CFAP251: variants seen among roughly 807,000 people sequenced by gnomAD.
CFAP251 encodes cilia and flagella associated protein 251.
CFAP251 carries 93 observed loss-of-function variants against 126.7 expected under a neutral mutation model. That is an observed-to-expected ratio of 0.73 (90% confidence interval 0.62 to 0.87). The LOEUF (loss-of-function observed/expected upper bound fraction) is 0.87, where lower values mean the gene tolerates loss of function less well. CFAP251 is among the 40% of genes least tolerant of loss of function. The probability of loss-of-function intolerance (pLI) is 0.00; values close to 1 mark genes in which losing one functional copy is unlikely to be tolerated. For synonymous variants in CFAP251, 503 were observed against 506.9 expected (o/e 0.99, Z 0.10); for missense variants, 1,287 against 1,389.2 (o/e 0.93, Z 1.17).
In CFAP251 at chr12:121,960,832, A is replaced by C. The variant is rs916541402; in HGVS notation, c.2307+74A>C. Reference sequence around the variant, plus strand: ...TCTTGTGACATCCCTGGCATCTTGCATAGAGCCAGGCCCACAGTACGTGTG... The same window carrying C: ...TCTTGTGACATCCCTGGCATCTTGCCTAGAGCCAGGCCCACAGTACGTGTG... On this transcript the variant is annotated intron_variant, in intron 14 of 21. Transcript: ENST00000288912. The C allele has an allele frequency of 1.6e-5, 24 of 1,530,908 alleles. No individual in the cohort carries two copies. In the African/African-American group the frequency reaches 3.1e-4, roughly 20 times the overall value. 94.8% of individuals were successfully genotyped at this position (1,530,908 alleles called of 1,614,324 possible). A position where few individuals can be genotyped will look rare whatever the true frequency, so the allele number is the denominator to read the frequency against.
chr12:121,977,763 G>A (rs1882500199), intron 19 of CFAP251, among the ~76,000 whole-genome samples: 2 of 151,414 alleles, frequency 1.3e-5, no homozygotes, highest in South Asian at 2.1e-4. Context: ...AGACCATCCT[G>A]GCTAACACGG....
chr12:121,960,859 T>C, intron 14 of CFAP251, 101 bp downstream of exon 14: 1 of 1,378,252 alleles, frequency 7.3e-7, no homozygotes, highest in Non-Finnish European at 9.9e-7. Flanking sequence ...GTACGTGTGT[T>C]TGTTGGAGAA....
At chr12:121,983,144 A>G (rs1467134738) in intron 19 of CFAP251, among the ~76,000 whole-genome samples, 1 of 152,136 alleles carries the variant, frequency 6.6e-6, no homozygotes, top group Non-Finnish European at 1.5e-5. Context: ...GGAAGGATCG[A>G]AGGATCGCTT....
At chr12:122,001,846 A>G (rs1198823664) in intron 21 of CFAP251, 2 of 510,498 alleles carry the variant, frequency 3.9e-6, no homozygotes, top group East Asian at 3.5e-5. Context: ...CTGACCTGTC[A>G]TCTTGCCGGC....
intron 19 of CFAP251, among the ~76,000 whole-genome samples, chr12:121,994,152 TG>T (rs1314921301): frequency 4.6e-3 from 154 of 33,330 alleles, no homozygotes; most frequent in African/African-American, 7.4e-3. Flanking sequence ...GGGAGGGAGG[TG>T]GGGGGGGTCA....
chr12:121,993,216 A>G (rs1296639824), intron 19 of CFAP251, among the ~76,000 whole-genome samples: 2 of 138,784 alleles, frequency 1.4e-5, no homozygotes, highest in Non-Finnish European at 3.1e-5. Flanking sequence ...TGATCCGCCA[A>G]CCTCGGCCTC....
Position 121,966,933 on chromosome 12 carries a change from CTCTT to C in CFAP251, c.2493-18_2493-15del. Reference sequence around the variant, plus strand: ...GTTGAGATTTGTGGAATTTTAAAAACTCTTTCTCTTTTTGCCTTCAGAAAGACGC... The same window carrying C: ...GTTGAGATTTGTGGAATTTTAAAAACTCTCTTTTTGCCTTCAGAAAGACGC... On this transcript the variant is annotated intron_variant, in intron 15 of 21. Transcript: ENST00000288912. 1.2e-6 allele frequency: 2 copies of C among 1,603,992 alleles called. No homozygotes were observed. The highest frequency in any genetic ancestry group is 1.7e-6 in the Non-Finnish European group (2 of 1,171,784).
chr12:121,946,577 C>T (rs1288453031), intron 7 of CFAP251, among the ~76,000 whole-genome samples: 1 of 152,124 alleles, frequency 6.6e-6, no homozygotes, highest in African/African-American at 2.4e-5. Context: ...CCTTGGTTTT[C>T]AGCAGGGTTT....
At chr12:121,969,144 G>T (rs1882250597) in intron 17 of CFAP251, 8 of 985,440 alleles carry the variant, frequency 8.1e-6, no homozygotes, top group Non-Finnish European at 9.6e-6. Context: ...ATTCCTGGCT[G>T]CCAGCACAGT....
intron 3 of CFAP251, 120 bp downstream of exon 3, chr12:121,924,110 A>C: frequency 7.9e-7 from 1 of 1,268,828 alleles, no homozygotes. Flanking sequence ...AACTAATAAT[A>C]GACTTGTGTT....
chr12:121,926,513 A>G (rs531773847), intron 3 of CFAP251, among the ~76,000 whole-genome samples: 2 of 152,108 alleles, frequency 1.3e-5, no homozygotes, highest in African/African-American at 2.4e-5. Flanking sequence ...TCTTTTTTAG[A>G]GATGGGGTCT....
intron 7 of CFAP251, among the ~76,000 whole-genome samples, chr12:121,944,984 T>C (rs1441876270): frequency 1.3e-5 from 2 of 152,168 alleles, no homozygotes; most frequent in Non-Finnish European, 2.9e-5. Flanking sequence ...AGTTTTGCCA[T>C]GTTGGTCAGG....
intron 3 of CFAP251, among the ~76,000 whole-genome samples, chr12:121,928,041 G>A (rs193250466): frequency 2.5e-3 from 376 of 152,286 alleles, no homozygotes; most frequent in Non-Finnish European, 4.0e-3. Context: ...AACGCTGCTC[G>A]AGTGGGGTTG....
At chr12:121,985,882 CTG>C (rs1346537066) in intron 19 of CFAP251, among the ~76,000 whole-genome samples, 4 of 152,140 alleles carry the variant, frequency 2.6e-5, no homozygotes, top group African/African-American at 9.7e-5. Context: ...TGGCCTGGTA[CTG>C]TGTCTCTTCA....
intron 19 of CFAP251, among the ~76,000 whole-genome samples, chr12:121,985,269 C>A (rs1882718421): frequency 6.6e-6 from 1 of 152,132 alleles, no homozygotes; most frequent in South Asian, 2.1e-4. Flanking sequence ...CGCGGAGGCT[C>A]ACGCCTGTAA....
At chr12:121,957,013 T>G in intron 10 of CFAP251, 61 bp from the exon 11 acceptor site, 1 of 1,339,740 alleles carries the variant, frequency 7.5e-7, no homozygotes, top group Non-Finnish European at 1.0e-6. Flanking sequence ...TAATTAGGTA[T>G]TATATAGATG....
intron 11 of CFAP251, 80 bp downstream of exon 11, chr12:121,957,348 TC>T (rs1350369822): frequency 3.0e-5 from 41 of 1,381,598 alleles, no homozygotes; most frequent in Non-Finnish European, 4.0e-5. Flanking sequence ...AGTGGGAGGT[TC>T]GTGTTGTTCC....
intron 5 of CFAP251, among the ~76,000 whole-genome samples, chr12:121,938,889 C>G (rs959734602): frequency 8.6e-5 from 13 of 151,636 alleles, no homozygotes; most frequent in African/African-American, 2.9e-4. Flanking sequence ...ACTCAGAAGG[C>G]TGAGACAGAA....
At chr12:121,971,957 C>G (rs1482500250) in intron 17 of CFAP251, 3 of 257,290 alleles carry the variant, frequency 1.2e-5, no homozygotes, top group Non-Finnish European at 2.3e-5. Flanking sequence ...TTTCACTTGG[C>G]TCTCATTCTC....
Sources: gnomAD v4.1 joint callset for allele counts (sites outside exome capture counted in the v4.1 genomes callset) on GRCh38, gnomAD v4.1.1 for gene constraint, MANE v1.5 for transcripts, NCBI Gene and HGNC (gene_info 2026-07-23, HGNC 2026-07-21) for gene names.